KIAA0232: variants seen among roughly 807,000 people sequenced by gnomAD.
KIAA0232 encodes uncharacterized protein KIAA0232.
Under a neutral mutation model 122.0 loss-of-function variants are expected in KIAA0232, and 27 were observed. That is an observed-to-expected ratio of 0.22 (90% CI 0.16 to 0.31). The LOEUF is 0.31. Ranked by LOEUF, KIAA0232 falls within the 10% of genes least tolerant of loss-of-function variation. The pLI is 1.00. For synonymous variants in KIAA0232, 613 were observed against 587.6 expected (o/e 1.04, Z -0.63); for missense variants, 1,551 against 1,634.2 (o/e 0.95, Z 0.88).
intron 2 of KIAA0232, 111 bp from the exon 3 acceptor site, chr4:6,824,074 C>G (rs568435420): frequency 2.5e-6 from 1 of 397,784 alleles, no homozygotes; most frequent in African/African-American, 2.1e-5. Context: ...TCTAAGATAC[C>G]AAAAATATTT....
chr4:6,842,106 A>C lies in KIAA0232; in HGVS notation c.271A>C (p.Lys91Gln), dbSNP rs555271318. ...IFLGWEKGAYKKWGKSKKKCS... is the reference protein window; with the variant it reads ...IFLGWEKGAYQKWGKSKKKCS... The stretch of plus-strand genomic sequence containing the variant: ...CCTGGGCTGGGAAAAAGGAGCTTAT[A>C]AGAAATGGGGAAAGAGTAAGAAAAA... The change falls in exon 4 of 10, where the codon AAG (lysine) becomes CAG (glutamine). Residue 91 changes from lysine (K) to glutamine (Q), a missense_variant. Transcript: ENST00000307659. 6.2e-7 allele frequency: 1 copy of C among 1,613,600 alleles called. No homozygotes were observed. Among genetic ancestry groups the C allele is most frequent in the Non-Finnish European group, 8.5e-7 (1 of 1,179,914 alleles).
intron 4 of KIAA0232, among the ~76,000 whole-genome samples, chr4:6,842,434 T>C (rs1464190054): frequency 4.6e-5 from 7 of 152,152 alleles, no homozygotes; most frequent in Non-Finnish European, 1.5e-5. Context: ...ACACAAAATT[T>C]TATATCCTTT....
chr4:6,809,900 G>A (rs1463241962), intron 2 of KIAA0232, among the ~76,000 whole-genome samples: 1 of 152,054 alleles, frequency 6.6e-6, no homozygotes, highest in Admixed American at 6.6e-5. Flanking sequence ...CTCCAAGGAA[G>A]ACTACAAAAT....
chr4:6,860,947 C>G lies in KIAA0232; in HGVS notation c.565C>G (p.Gln189Glu). The change falls in exon 7 of 10, where the codon CAA (glutamine) becomes GAA (glutamate). Residue 189 changes from glutamine (Q) to glutamate (E), a missense_variant. Around this residue, in one of 5 missense-constraint regions of KIAA0232, gnomAD observed 377 missense variants for 381.7 expected, o/e 0.99. Transcript: ENST00000307659. The part of the protein sequence containing the change: ...PPLSEKPVCL[Q>E]EIMTVWNKSK... ...ACTTTCTGAGAAACCAGTTTGCCTG[C>G]AAGAAATCATGACTGTGTGGAACAA... The G allele has an allele frequency of 1.2e-6, 2 of 1,613,940 alleles. No homozygotes were observed. Among genetic ancestry groups the G allele is most frequent in the Non-Finnish European group, 1.7e-6 (2 of 1,179,930 alleles).
At chr4:6,786,846 C>G (rs562672811) in intron 1 of KIAA0232, among the ~76,000 whole-genome samples, 46 of 152,240 alleles carry the variant, frequency 3.0e-4, no homozygotes, top group South Asian at 8.3e-4. Flanking sequence ...GAATCACCGA[C>G]CCATTTTTTG....
chr4:6,802,410 A>C lies in KIAA0232; in HGVS notation c.-353-2113A>C, dbSNP rs149950042. ...CTTCAGTTGAGGGTCTGGGTTGTAC[A>C]TCACAGCGTGCCATGGTTGGACAAT... On this transcript the variant is annotated intron_variant, in intron 1 of 9. Coordinates refer to ENST00000307659, the MANE Select transcript of KIAA0232 (RefSeq NM_014743.3). Among the ~76,000 whole-genome samples, 346 of 152,302 alleles carry C rather than the reference A, an allele frequency of 2.3e-3. 4 individuals carry two copies. Among genetic ancestry groups the C allele is most frequent in the African/African-American group, 7.9e-3 (327 of 41,578 alleles).
At chr4:6,811,554 C>T (rs538376932) in intron 2 of KIAA0232, among the ~76,000 whole-genome samples, 1 of 152,166 alleles carries the variant, frequency 6.6e-6, no homozygotes, top group East Asian at 1.9e-4. Flanking sequence ...GTGATCCTCC[C>T]ATCTCAGCCT....
chr4:6,800,286 G>A (rs1717331123), intron 1 of KIAA0232, among the ~76,000 whole-genome samples: 1 of 149,178 alleles, frequency 6.7e-6, no homozygotes, highest in Non-Finnish European at 1.5e-5. Flanking sequence ...TCGAACTCCT[G>A]ACCTCAGGTG....
At chr4:6,842,230 C>T in intron 4 of KIAA0232, 26 bp downstream of exon 4, 1 of 1,564,180 alleles carries the variant, frequency 6.4e-7, no homozygotes, top group Non-Finnish European at 8.6e-7. Flanking sequence ...GTTTCTAACA[C>T]TTAAGAGAAT....
intron 1 of KIAA0232, among the ~76,000 whole-genome samples, chr4:6,797,102 A>G (rs1166918326): frequency 1.3e-5 from 2 of 152,116 alleles, no homozygotes; most frequent in Non-Finnish European, 2.9e-5. Context: ...TTTCCTCTGT[A>G]TTTTATTATT....
rs559534014 is a variant in KIAA0232 at position 6,855,375 on chromosome 4, G to A, written c.370-1789G>A. Among the ~76,000 whole-genome samples the A allele has an allele frequency of 3.3e-5, 5 of 151,878 alleles. No homozygotes were observed. Among genetic ancestry groups the A allele is most frequent in the African/African-American group, 7.3e-5 (3 of 41,356 alleles). On this transcript the variant is annotated intron_variant, in intron 4 of 9. Coordinates refer to ENST00000307659, the MANE Select transcript of KIAA0232 (RefSeq NM_014743.3). The surrounding 1 kb of genome is among the most constrained non-coding windows in gnomAD (Gnocchi z 4.3). ...AGTGCTGGGATTACAGGTGTGAGCC[G>A]CTGCGCCCAGCTGATTTTTTAAAAA...
intron 4 of KIAA0232, among the ~76,000 whole-genome samples, chr4:6,854,068 T>C (rs1256622482): frequency 2.6e-5 from 4 of 152,146 alleles, no homozygotes; most frequent in Non-Finnish European, 5.9e-5. Context: ...TTAGGTTAAT[T>C]ATCTTTTTAC....
At chr4:6,879,710 G>T (rs1429251732) in intron 9 of KIAA0232, among the ~76,000 whole-genome samples, 1 of 151,130 alleles carries the variant, frequency 6.6e-6, no homozygotes, top group Non-Finnish European at 1.5e-5. Context: ...TGACCATCTG[G>T]TGTAGGGGAG....
chr4:6,838,313 C>T (rs557326506), intron 3 of KIAA0232, among the ~76,000 whole-genome samples: 7 of 152,172 alleles, frequency 4.6e-5, no homozygotes, highest in African/African-American at 1.7e-4. Context: ...CTCAGCCTTC[C>T]AAGTAGCTGG....
intron 3 of KIAA0232, among the ~76,000 whole-genome samples, chr4:6,839,550 A>G (rs1456382839): frequency 6.6e-6 from 1 of 152,246 alleles, no homozygotes; most frequent in Admixed American, 6.5e-5. Context: ...CAGTTTAGGA[A>G]TCACCTTGAA....
intron 1 of KIAA0232, among the ~76,000 whole-genome samples, chr4:6,783,487 G>A (rs1716454757): frequency 1.3e-5 from 2 of 152,206 alleles, no homozygotes; most frequent in African/African-American, 2.4e-5. Context: ...TTCGGCCGGT[G>A]GGAGGCGCCC....
chr4:6,851,533 G>A (rs1720283461), intron 4 of KIAA0232, among the ~76,000 whole-genome samples: 1 of 151,666 alleles, frequency 6.6e-6, no homozygotes, highest in Non-Finnish European at 1.5e-5. Flanking sequence ...GGGTTTTGCA[G>A]AAACCACATC....
At chr4:6,873,680 C>G (rs1721612314) in intron 8 of KIAA0232, among the ~76,000 whole-genome samples, 2 of 152,162 alleles carry the variant, frequency 1.3e-5, no homozygotes, top group Non-Finnish European at 2.9e-5. Flanking sequence ...TGTACAGTCT[C>G]TTAGTGGATA....
intron 1 of KIAA0232, among the ~76,000 whole-genome samples, chr4:6,802,575 ATG>A (rs10558040): frequency 0.015 from 2,242 of 146,146 alleles, 62 homozygotes; most frequent in African/African-American, 0.052. Context: ...CTAAATAACT[ATG>A]TGTGTGTGTG....
Sources: allele counts gnomAD v4.1 joint callset (sites outside exome capture counted in the v4.1 genomes callset), GRCh38; gene constraint gnomAD v4.1.1; regional missense constraint gnomAD v4.1.1; non-coding constraint Gnocchi (gnomAD v3.1); transcripts MANE v1.5; gene names NCBI Gene and HGNC (gene_info 2026-07-23, HGNC 2026-07-21).